The following GPC5 variants were observed in gnomAD, a reference collection of about 807,000 sequenced individuals.
The protein encoded by GPC5 is glypican-5.
A neutral mutation model predicts 53.9 loss-of-function variants in GPC5; 47 were observed. The ratio of observed to expected loss-of-function variants is 0.87; its 90% CI spans 0.69 to 1.11. The LOEUF is 1.11. GPC5 is among the 50% of genes most tolerant of loss of function. The probability of loss-of-function intolerance (pLI) is 0.00; values close to 1 mark genes in which losing one functional copy is unlikely to be tolerated. For missense variants in GPC5, 748 were observed against 713.1 expected (o/e 1.05, Z -0.56); for synonymous variants, 286 against 263.3 (o/e 1.09, Z -0.84).
At chr13:91,783,561 G>A (rs879628916) in intron 5 of GPC5, among the ~76,000 whole-genome samples, 20 of 152,100 alleles carry the variant, frequency 1.3e-4, no homozygotes, top group South Asian at 4.1e-4. Flanking sequence ...AGCCTCCTGA[G>A]TAACTGGGAT....
At chr13:92,619,814 T>C (rs568186170) in intron 7 of GPC5, among the ~76,000 whole-genome samples, 1 of 152,100 alleles carries the variant, frequency 6.6e-6, no homozygotes, top group South Asian at 2.1e-4. Flanking sequence ...AAAGCAAAAG[T>C]TATACCAAAG....
chr13:92,481,960 C>G lies in GPC5; in HGVS notation c.1561+336971C>G, dbSNP rs180852572. Among the ~76,000 whole-genome samples, 539 of 152,104 alleles carry G rather than the reference C, an allele frequency of 3.5e-3. 3 individuals carry two copies. The highest frequency in any genetic ancestry group is 0.012 in the African/African-American group (517 of 41,474). On this transcript the variant is annotated intron_variant, in intron 7 of 7. Coordinates refer to ENST00000377067, the MANE Select transcript of GPC5 (RefSeq NM_004466.6). ...CCTGGCCAATATGGGGAAACCGCAT[C>G]TCTACTAAAAATACAAAAAAATTAG...
rs192449716 is a variant in GPC5, at chr13:91,447,381, C to T, written c.164-1380C>T. Among the ~76,000 whole-genome samples, 22 of 149,338 alleles carry T rather than the reference C, an allele frequency of 1.5e-4. No homozygotes were observed. In the East Asian group the frequency reaches 3.6e-3, roughly 24 times the overall value. Reference sequence around the variant, plus strand: ...CTGTTTGAAGTAGAATTTGCTCTTACGTAACTTTAGGTAAGATAAGTGAAA... The same window carrying T: ...CTGTTTGAAGTAGAATTTGCTCTTATGTAACTTTAGGTAAGATAAGTGAAA... On this transcript the variant is annotated intron_variant, in intron 1 of 7. Coordinates refer to ENST00000377067, the MANE Select transcript of GPC5 (RefSeq NM_004466.6).
intron 7 of GPC5, among the ~76,000 whole-genome samples, chr13:92,409,336 G>A (rs1273784723): frequency 6.6e-6 from 1 of 151,666 alleles, no homozygotes; most frequent in Non-Finnish European, 1.5e-5. Context: ...AATAAATATA[G>A]TAGACGTAGA....
At chr13:92,781,909 A>G (rs1295330057) in intron 7 of GPC5, among the ~76,000 whole-genome samples, 1 of 152,202 alleles carries the variant, frequency 6.6e-6, no homozygotes, top group Non-Finnish European at 1.5e-5. Context: ...GAGCAAGGTA[A>G]TTGCCAAAAT....
At chr13:91,746,803 T>C (rs981450978) in intron 4 of GPC5, among the ~76,000 whole-genome samples, 4 of 152,208 alleles carry the variant, frequency 2.6e-5, no homozygotes, top group African/African-American at 9.7e-5. Context: ...TTATGGAATA[T>C]TATACAGCTA....
At chr13:91,624,640 A>G (rs2033952177) in intron 2 of GPC5, among the ~76,000 whole-genome samples, 1 of 152,036 alleles carries the variant, frequency 6.6e-6, no homozygotes, top group Non-Finnish European at 1.5e-5. Flanking sequence ...GACTATAGGA[A>G]CACTGCTAAA....
intron 3 of GPC5, among the ~76,000 whole-genome samples, chr13:91,720,967 T>TA (rs143670938): frequency 0.049 from 7,474 of 152,224 alleles, 264 homozygotes; most frequent in Middle Eastern, 0.17. Flanking sequence ...AGACCACCCT[T>TA]AGCAAAGGCA....
intron 7 of GPC5, among the ~76,000 whole-genome samples, chr13:92,749,225 CAG>C (rs1889318287): frequency 6.6e-6 from 1 of 152,016 alleles, no homozygotes; most frequent in Non-Finnish European, 1.5e-5. Flanking sequence ...ACAAATTTGG[CAG>C]AGTTTGCTTA....
At chr13:91,486,159 A>G (rs1041993257) in intron 2 of GPC5, 1 of 152,248 alleles carries the variant, frequency 6.6e-6, no homozygotes, top group Admixed American at 6.5e-5. Context: ...CTATCTTTGT[A>G]TAGTTACCTG....
chr13:92,167,127 A>T (rs2139015500), intron 7 of GPC5, among the ~76,000 whole-genome samples: 1 of 152,280 alleles, frequency 6.6e-6, no homozygotes, highest in African/African-American at 2.4e-5. Context: ...TGTTTTATAC[A>T]AAAAGTCTTA....
At chr13:91,633,372 A>C (rs1265786991) in intron 2 of GPC5, among the ~76,000 whole-genome samples, 1 of 152,106 alleles carries the variant, frequency 6.6e-6, no homozygotes, top group Admixed American at 6.6e-5. Context: ...GTGGGTAAGT[A>C]CTGGGTTCTA....
At chr13:92,642,612 G>A (rs567217195) in intron 7 of GPC5, among the ~76,000 whole-genome samples, 1 of 152,270 alleles carries the variant, frequency 6.6e-6, no homozygotes, top group East Asian at 1.9e-4. Flanking sequence ...CACTACATCT[G>A]GGCTACTACT....
At chr13:91,647,479 C>T (rs1242318073) in intron 2 of GPC5, among the ~76,000 whole-genome samples, 11 of 152,244 alleles carry the variant, frequency 7.2e-5, no homozygotes, top group Admixed American at 7.2e-4. Context: ...GCTGACCTGA[C>T]TGAGGGCCCA....
chr13:91,718,553 T>C, intron 3 of GPC5, among the ~76,000 whole-genome samples: 1 of 152,108 alleles, frequency 6.6e-6, no homozygotes, highest in East Asian at 1.9e-4. Context: ...GCTACCTAAC[T>C]CATGAGGGTT....
At position 92,526,006 on chromosome 13, in the gene GPC5, A is replaced by G. The variant is rs541036527; in HGVS notation, c.1562-340276A>G. On this transcript the variant is annotated intron_variant, in intron 7 of 7. Transcript: ENST00000377067. ...AATCTCCAACTTCTCACTGTTCACTACCCCTTGATTACATAAACATGTTCA... is the reference window on the plus strand; with the variant it reads ...AATCTCCAACTTCTCACTGTTCACTGCCCCTTGATTACATAAACATGTTCA... Among the ~76,000 whole-genome samples, 16 of 152,108 alleles carry G rather than the reference A, an allele frequency of 1.1e-4. No homozygotes were observed. In the East Asian group the frequency reaches 2.9e-3, roughly 28 times the overall value.
chr13:91,412,106 C>A (rs1054303012), intron 1 of GPC5, among the ~76,000 whole-genome samples: 2 of 152,190 alleles, frequency 1.3e-5, no homozygotes, highest in Non-Finnish European at 2.9e-5. Flanking sequence ...ATGGATAACA[C>A]CCCATGATGA....
intron 7 of GPC5, among the ~76,000 whole-genome samples, chr13:92,520,001 C>T (rs1024395102): frequency 1.3e-5 from 2 of 152,172 alleles, no homozygotes; most frequent in African/African-American, 2.4e-5. Context: ...CTATAAACAC[C>T]TCTATGTAAA....
intron 5 of GPC5, among the ~76,000 whole-genome samples, chr13:91,764,476 A>C (rs1261180675): frequency 6.6e-6 from 1 of 152,166 alleles, no homozygotes; most frequent in Admixed American, 6.5e-5. Flanking sequence ...TTACTTTGTC[A>C]CCAGAATAAA....
Sources: gnomAD v4.1 joint callset for allele counts (sites outside exome capture counted in the v4.1 genomes callset) on GRCh38, gnomAD v4.1.1 for gene constraint, MANE v1.5 for transcripts, NCBI Gene and HGNC (gene_info 2026-07-23, HGNC 2026-07-21) for gene names.